NTRK2: variants seen among roughly 807,000 people sequenced by gnomAD.
The protein encoded by NTRK2 is neurotrophic receptor tyrosine kinase 2.
A neutral mutation model predicts 94.5 loss-of-function variants in NTRK2; 13 were observed. The observed-to-expected ratio is 0.14, with a 90% CI of 0.09 to 0.22. The LOEUF (loss-of-function observed/expected upper bound fraction) is 0.22. Among genes scored for constraint, NTRK2 ranks in the 10% least tolerant of loss-of-function variants. The pLI, the probability that NTRK2 is intolerant of heterozygous loss-of-function variation, is 1.00. For missense variants in NTRK2, 639 were observed against 1,071.2 expected (o/e 0.60, Z 5.63); for synonymous variants, 372 against 407.4 (o/e 0.91, Z 1.05).
intron 14 of NTRK2, among the ~76,000 whole-genome samples, chr9:84,869,557 C>A (rs748995031): frequency 6.6e-6 from 1 of 151,942 alleles, no homozygotes; most frequent in Admixed American, 6.6e-5. Context: ...CATTTTTTAT[C>A]TCATAATTTT....
At chr9:84,777,522 G>T (rs1260465553) in intron 12 of NTRK2, among the ~76,000 whole-genome samples, 1 of 152,154 alleles carries the variant, frequency 6.6e-6, no homozygotes, top group Non-Finnish European at 1.5e-5. Flanking sequence ...GTGTTTCTCA[G>T]CTCTCAAAGA....
intron 17 of NTRK2, among the ~76,000 whole-genome samples, chr9:85,003,861 G>A (rs1173410299): frequency 6.6e-6 from 1 of 150,810 alleles, no homozygotes; most frequent in African/African-American, 2.5e-5. Context: ...AGGGCTGAAA[G>A]AACCTGATGG....
intron 12 of NTRK2, among the ~76,000 whole-genome samples, chr9:84,826,449 C>T (rs1049530690): frequency 1.3e-4 from 20 of 152,178 alleles, no homozygotes; most frequent in African/African-American, 4.8e-4. Context: ...TGCAAAGGCC[C>T]TTATTTCCAA....
chr9:84,717,347 A>G (rs1489798485), intron 6 of NTRK2, among the ~76,000 whole-genome samples: 2 of 152,214 alleles, frequency 1.3e-5, no homozygotes, highest in Non-Finnish European at 2.9e-5. Context: ...GGGTTAATCC[A>G]AAATGACTAG....
At chr9:84,767,529 T>C (rs933553166) in intron 12 of NTRK2, among the ~76,000 whole-genome samples, 26 of 152,222 alleles carry the variant, frequency 1.7e-4, no homozygotes, top group African/African-American at 6.0e-4. Context: ...TGAATCACCA[T>C]TGGTGATGGT....
Position 84,670,643 on chromosome 9 carries a change from G to A in NTRK2, c.-106G>A, listed in dbSNP as rs1237494783. 9.2e-7 allele frequency: 1 copy of A among 1,087,362 alleles called. No homozygotes were observed. Among genetic ancestry groups the A allele is most frequent in the African/African-American group, 1.5e-5 (1 of 65,020 alleles). 67.4% of individuals were successfully genotyped at this position (1,087,362 alleles called of 1,614,324 possible). ...TCGGCACGCCCGCAACAAGCACCGA[G>A]GAGTTAAGAGAGCCGCAAGCGCAGG... is the stretch of plus-strand genomic sequence containing the variant. On this transcript the variant is annotated 5_prime_UTR_variant, in exon 2 of 19. Transcript: ENST00000277120.
rs141300228 is a variant in NTRK2 at position 85,011,554 on chromosome 9, C to T, written c.2173-8652C>T. Reference sequence around the variant, plus strand: ...CTGAGAGCTCTCTCTCGCTCTCGCTCGCTGTGACTTCCCTCCATGTGAGGG... The same window carrying T: ...CTGAGAGCTCTCTCTCGCTCTCGCTTGCTGTGACTTCCCTCCATGTGAGGG... On this transcript the variant is annotated intron_variant, in intron 17 of 18. Transcript: ENST00000277120. Among the ~76,000 whole-genome samples, 1,371 of 152,276 alleles carry T rather than the reference C, an allele frequency of 9.0e-3. 10 individuals carry two copies. Among genetic ancestry groups the T allele is most frequent in the South Asian group, 0.029 (141 of 4,826 alleles).
chr9:84,671,782 T>C lies in NTRK2; in HGVS notation c.212+822T>C, dbSNP rs76121427. On this transcript the variant is annotated intron_variant, in intron 2 of 18. Coordinates refer to ENST00000277120, the MANE Select transcript of NTRK2 (RefSeq NM_006180.6). ...GTGTCCCTGGAAATGTTTGAGCTTG[T>C]TGTGGCTTGAAGAAACAGAACTGTG... Among the ~76,000 whole-genome samples, 343 of 152,340 alleles carry C rather than the reference T, an allele frequency of 2.3e-3. 8 individuals are homozygous for C. In the East Asian group the frequency reaches 0.051, roughly 22 times the overall value.
chr9:84,705,782 CTT>C (rs36124860), intron 4 of NTRK2, among the ~76,000 whole-genome samples: 19 of 109,614 alleles, frequency 1.7e-4, no homozygotes, highest in Admixed American at 2.1e-4. Context: ...GAAACCCATT[CTT>C]TTTTTTTTTT....
chr9:84,981,767 G>C (rs1423890107), intron 17 of NTRK2, among the ~76,000 whole-genome samples: 1 of 152,162 alleles, frequency 6.6e-6, no homozygotes, highest in East Asian at 1.9e-4. Context: ...GGGAGAAATT[G>C]TTTCAAAATG....
chr9:84,924,295 GA>G (rs2077682276), intron 14 of NTRK2, among the ~76,000 whole-genome samples: 3 of 147,822 alleles, frequency 2.0e-5, no homozygotes, highest in Non-Finnish European at 4.5e-5. Context: ...AAGAAAGAAA[GA>G]GGAAAAAAAG....
intron 12 of NTRK2, among the ~76,000 whole-genome samples, chr9:84,802,853 G>C (rs906521428): frequency 6.6e-6 from 1 of 152,176 alleles, no homozygotes; most frequent in African/African-American, 2.4e-5. Flanking sequence ...ATGTGGAAAA[G>C]CTTTAGGAGC....
intron 12 of NTRK2, among the ~76,000 whole-genome samples, chr9:84,820,682 G>A (rs779381337): frequency 3.3e-5 from 5 of 152,184 alleles, no homozygotes; most frequent in African/African-American, 4.8e-5. Context: ...AAAAATTTGT[G>A]TATAAGCGGA....
chr9:84,989,734 G>GT (rs1462309018), intron 17 of NTRK2, among the ~76,000 whole-genome samples: 1 of 152,136 alleles, frequency 6.6e-6, no homozygotes, highest in Non-Finnish European at 1.5e-5. Flanking sequence ...CTTGTCCAGT[G>GT]TTTTTTCTAC....
At chr9:84,892,254 C>T (rs2076616939) in intron 14 of NTRK2, among the ~76,000 whole-genome samples, 1 of 152,180 alleles carries the variant, frequency 6.6e-6, no homozygotes, top group South Asian at 2.1e-4. Flanking sequence ...AGGCCCCAAG[C>T]AGTAGGTTCC....
intron 12 of NTRK2, among the ~76,000 whole-genome samples, chr9:84,856,427 T>C (rs1429935982): frequency 6.6e-6 from 1 of 152,162 alleles, no homozygotes; most frequent in Non-Finnish European, 1.5e-5. Context: ...CTCACCCCGA[T>C]TATGTGCCAG....
chr9:85,021,164 C>T, intron 18 of NTRK2, 88 bp from the exon 19 acceptor site: 2 of 1,148,262 alleles, frequency 1.7e-6, no homozygotes, highest in Non-Finnish European at 2.6e-6. Context: ...TTGTAAAAGC[C>T]CTCTCTTCTG....
intron 14 of NTRK2, among the ~76,000 whole-genome samples, chr9:84,882,719 T>TGTGCGCGCGCGCGCGC (rs761042296): frequency 2.7e-3 from 394 of 145,778 alleles, no homozygotes; most frequent in African/African-American, 7.6e-3. Flanking sequence ...TGTGTGTGTG[T>TGTGCGCGCGCGCGCGC]GCGCGCGCGC....
intron 14 of NTRK2, among the ~76,000 whole-genome samples, chr9:84,885,535 C>T (rs563688405): frequency 1.3e-5 from 2 of 151,798 alleles, no homozygotes; most frequent in African/African-American, 4.8e-5. Flanking sequence ...TTTAATAATC[C>T]TGAGAAGCAT....
Sources: gnomAD v4.1 joint callset for allele counts (sites outside exome capture counted in the v4.1 genomes callset) on GRCh38, gnomAD v4.1.1 for gene constraint, MANE v1.5 for transcripts, NCBI Gene and HGNC (gene_info 2026-07-23, HGNC 2026-07-21) for gene names.